RHOJ: variants seen among roughly 807,000 people sequenced by gnomAD.
RHOJ encodes the protein rho-related GTP-binding protein RhoJ.
A neutral mutation model predicts 23.4 loss-of-function variants in RHOJ; 11 were observed. The observed-to-expected ratio is 0.47, with a 90% CI of 0.30 to 0.78. The LOEUF is 0.78. Among genes scored for constraint, RHOJ ranks in the 30% least tolerant of loss-of-function variants. The probability of loss-of-function intolerance (pLI) is 0.08; values close to 1 mark genes in which losing one functional copy is unlikely to be tolerated. For synonymous variants in RHOJ, 102 were observed against 102.7 expected (o/e 0.99, Z 0.04); for missense variants, 254 against 273.4 (o/e 0.93, Z 0.50).
rs375939063 is a variant in RHOJ at position 63,205,098 on chromosome 14, G to A, written c.178+51G>A. The A allele has an allele frequency of 1.1e-5, 17 of 1,569,360 alleles. No homozygotes were observed. The Admixed American group carries it at 1.4e-4, about 13-fold the overall frequency. On this transcript the variant is annotated intron_variant, in intron 1 of 4. Transcript: ENST00000316754. Reference sequence around the variant, plus strand: ...CATCCAGACAAACGATGCAGGGGGCGAGACCCTAAGTTCAGAGGGGCCTGG... The same window carrying A: ...CATCCAGACAAACGATGCAGGGGGCAAGACCCTAAGTTCAGAGGGGCCTGG...
At chr14:63,214,136 T>G (rs1894300164) in intron 1 of RHOJ, among the ~76,000 whole-genome samples, 2 of 152,192 alleles carry the variant, frequency 1.3e-5, no homozygotes, top group Admixed American at 1.3e-4. Flanking sequence ...ATACCTATAT[T>G]TCCCAGACTT....
chr14:63,234,743 A>T (rs541538420), intron 1 of RHOJ, among the ~76,000 whole-genome samples: 1 of 152,206 alleles, frequency 6.6e-6, no homozygotes, highest in African/African-American at 2.4e-5. Flanking sequence ...TTTTCCAAAA[A>T]ATATATATAA....
chr14:63,208,067 C>A (rs1803625368), intron 1 of RHOJ, among the ~76,000 whole-genome samples: 1 of 151,934 alleles, frequency 6.6e-6, no homozygotes, highest in Admixed American at 6.6e-5. Flanking sequence ...AAATAGTTAC[C>A]ATGTTTACTG....
intron 2 of RHOJ, among the ~76,000 whole-genome samples, chr14:63,271,504 T>A (rs955391308): frequency 6.6e-6 from 1 of 152,268 alleles, no homozygotes; most frequent in African/African-American, 2.4e-5. Flanking sequence ...GTAGGGCTTG[T>A]CAAAACTCAG....
intron 2 of RHOJ, among the ~76,000 whole-genome samples, chr14:63,273,475 T>G (rs927181622): frequency 1.3e-5 from 2 of 152,204 alleles, no homozygotes; most frequent in African/African-American, 2.4e-5. Context: ...TTTACAATGC[T>G]TCAGGAGAGA....
At chr14:63,261,164 T>G (rs763488563) in intron 1 of RHOJ, among the ~76,000 whole-genome samples, 1 of 152,204 alleles carries the variant, frequency 6.6e-6, no homozygotes, top group Non-Finnish European at 1.5e-5. Context: ...TTAAATTGTT[T>G]TCACTCCAAT....
At chr14:63,227,912 C>G (rs1209365068) in intron 1 of RHOJ, among the ~76,000 whole-genome samples, 1 of 152,228 alleles carries the variant, frequency 6.6e-6, no homozygotes, top group Non-Finnish European at 1.5e-5. Context: ...TAAAAATGTG[C>G]TCACATGGTC....
chr14:63,209,216 TATC>T (rs994465973), intron 1 of RHOJ, among the ~76,000 whole-genome samples: 6 of 152,148 alleles, frequency 3.9e-5, no homozygotes, highest in African/African-American at 1.4e-4. Flanking sequence ...TCTTGCCCCC[TATC>T]ATCAATTCTC....
intron 2 of RHOJ, among the ~76,000 whole-genome samples, chr14:63,270,851 C>T (rs559437683): frequency 6.6e-6 from 1 of 152,358 alleles, no homozygotes; most frequent in African/African-American, 2.4e-5. Context: ...GCTGCCCAGT[C>T]AGTTGTCCCC....
At chr14:63,215,552 T>C (rs575620323) in intron 1 of RHOJ, among the ~76,000 whole-genome samples, 1 of 152,314 alleles carries the variant, frequency 6.6e-6, no homozygotes, top group East Asian at 1.9e-4. Context: ...CTTTGTTATC[T>C]TGCTTGAGCT....
chr14:63,221,021 G>C (rs1894480627), intron 1 of RHOJ, among the ~76,000 whole-genome samples: 1 of 152,114 alleles, frequency 6.6e-6, no homozygotes, highest in African/African-American at 2.4e-5. Flanking sequence ...CTCAGCTACA[G>C]AGACGCCCTC....
chr14:63,230,880 G>T (rs1013618803), intron 1 of RHOJ, among the ~76,000 whole-genome samples: 1 of 128,334 alleles, frequency 7.8e-6, no homozygotes, highest in Non-Finnish European at 1.5e-5. Context: ...TCACTCTGTC[G>T]CCCAGGCTGG....
intron 1 of RHOJ, among the ~76,000 whole-genome samples, chr14:63,264,776 G>C (rs1419712749): frequency 2.0e-5 from 3 of 152,176 alleles, no homozygotes; most frequent in Non-Finnish European, 4.4e-5. Flanking sequence ...GGTGATTAGT[G>C]ATGTGGAACA....
In RHOJ at chr14:63,291,016, A is replaced by G. The variant is rs111236794; in HGVS notation, c.637A>G (p.Ile213Val). Reference sequence around the variant, plus strand: ...TTCTGAGGGTCACAGCTGCTGTTCAATTATCTGAGGTTGTCTGGGACCTGC... The same window carrying G: ...TTCTGAGGGTCACAGCTGCTGTTCAGTTATCTGAGGTTGTCTGGGACCTGC... ...RCSEGHSCCS[I>V]I Residue 213 changes from isoleucine (I) to valine (V), a missense_variant, in exon 5 of 5, where the codon ATT becomes GTT. Ile to Val is a conservative substitution (Grantham distance 29). Transcript: ENST00000316754. The G allele has an allele frequency of 3.0e-4, 491 of 1,614,164 alleles. No individual in the cohort carries two copies. The highest frequency in any genetic ancestry group is 4.0e-4 in the Non-Finnish European group (473 of 1,180,024).
chr14:63,215,805 T>C (rs906758378), intron 1 of RHOJ, among the ~76,000 whole-genome samples: 2 of 152,172 alleles, frequency 1.3e-5, no homozygotes, highest in African/African-American at 4.8e-5. Flanking sequence ...CCCTAGAATA[T>C]ATAATTCCTG....
chr14:63,205,095 G>A lies in RHOJ; in HGVS notation c.178+48G>A, dbSNP rs143006370. ...CTGCATCCAGACAAACGATGCAGGG[G>A]GCGAGACCCTAAGTTCAGAGGGGCC... On this transcript the variant is annotated intron_variant, in intron 1 of 4. Transcript: ENST00000316754. 264 of 1,572,710 alleles carry A rather than the reference G, an allele frequency of 1.7e-4. No homozygotes were observed. In the African/African-American group the frequency reaches 3.1e-3, roughly 19 times the overall value.
In RHOJ at chr14:63,246,231, T is replaced by G. The variant is rs140747992; in HGVS notation, c.179-22879T>G. On this transcript the variant is annotated intron_variant, in intron 1 of 4. Transcript: ENST00000316754. ...TCTAACCCACTACCTTTCACTACAG[T>G]CTTGGAAATATTTCTCTCTTAATCT... is the stretch of plus-strand genomic sequence containing the variant. 8.1e-4 allele frequency among the ~76,000 whole-genome samples: 123 copies of G among 152,270 alleles called. 1 individual carries two copies. Among genetic ancestry groups the G allele is most frequent in the African/African-American group, 2.9e-3 (119 of 41,540 alleles).
intron 4 of RHOJ, among the ~76,000 whole-genome samples, chr14:63,285,352 C>A (rs369683685): frequency 1.1e-4 from 16 of 152,270 alleles, no homozygotes; most frequent in East Asian, 5.8e-4. Context: ...TGAAAAGAAA[C>A]CTTTAGGTTT....
chr14:63,272,812 T>C (rs1317803656), intron 2 of RHOJ, among the ~76,000 whole-genome samples: 1 of 152,140 alleles, frequency 6.6e-6, no homozygotes, highest in Non-Finnish European at 1.5e-5. Context: ...GATCACAAGG[T>C]CAGGAGTTCA....
Sources: allele counts gnomAD v4.1 joint callset (sites outside exome capture counted in the v4.1 genomes callset), GRCh38; gene constraint gnomAD v4.1.1; transcripts MANE v1.5; gene names NCBI Gene and HGNC (gene_info 2026-07-23, HGNC 2026-07-21).